Variants in USH2A observed in about 807,000 individuals in gnomAD.
The protein encoded by USH2A is Usher syndrome 2A (autosomal recessive, mild).
Under a neutral mutation model 538.9 loss-of-function variants are expected in USH2A, and 443 were observed. That is an observed-to-expected ratio of 0.82 (90% CI 0.76 to 0.89). The LOEUF (loss-of-function observed/expected upper bound fraction) is 0.89, where lower values mean the gene tolerates loss of function less well. USH2A is among the 40% of genes least tolerant of loss of function. USH2A has a pLI of 0.00. For synonymous variants in USH2A, 2,413 were observed against 2,273.5 expected (o/e 1.06, Z -1.75); for missense variants, 6,633 against 6,324.8 (o/e 1.05, Z -1.65).
At chr1:216,039,958 G>A (rs1019084847) in intron 32 of USH2A, among the ~76,000 whole-genome samples, 1 of 151,584 alleles carries the variant, frequency 6.6e-6, no homozygotes, top group Middle Eastern at 3.4e-3. Flanking sequence ...TTGCCTATAT[G>A]ATTTTACCAG....
intron 61 of USH2A, among the ~76,000 whole-genome samples, chr1:215,711,671 C>T (rs982603436): frequency 1.3e-5 from 2 of 152,036 alleles, no homozygotes; most frequent in African/African-American, 4.8e-5. Flanking sequence ...TCATTCTAAC[C>T]ATTCAATTTG....
At chr1:215,630,588 C>T (rs139072683) in intron 70 of USH2A, among the ~76,000 whole-genome samples, 1,557 of 147,524 alleles carry the variant, frequency 0.011, 10 homozygotes, top group Non-Finnish European at 0.016. Context: ...TGCGGTGGCT[C>T]ATGCCTGTAA....
intron 50 of USH2A, among the ~76,000 whole-genome samples, chr1:215,797,155 C>T (rs946170985): frequency 1.3e-5 from 2 of 152,130 alleles, no homozygotes; most frequent in African/African-American, 2.4e-5. Flanking sequence ...CTAGTCCAGG[C>T]AAGGCTCTTA....
chr1:216,394,553 G>T (rs1466421096), intron 3 of USH2A, among the ~76,000 whole-genome samples: 1 of 151,796 alleles, frequency 6.6e-6, no homozygotes, highest in Admixed American at 6.6e-5. Flanking sequence ...GTATTTGAAA[G>T]ACAAAAAGCA....
chr1:215,966,642 A>G (rs578163301), intron 36 of USH2A, among the ~76,000 whole-genome samples: 5 of 152,194 alleles, frequency 3.3e-5, no homozygotes, highest in African/African-American at 1.2e-4. Context: ...GAACTATAAC[A>G]CTTGCTCTTT....
intron 21 of USH2A, among the ~76,000 whole-genome samples, chr1:216,106,030 T>G (rs1367802264): frequency 2.6e-5 from 4 of 151,332 alleles, no homozygotes; most frequent in African/African-American, 9.7e-5. Flanking sequence ...GACAAATACA[T>G]TTTCTTTTCC....
intron 4 of USH2A, among the ~76,000 whole-genome samples, chr1:216,332,364 A>G (rs1234179812): frequency 6.6e-6 from 1 of 152,192 alleles, no homozygotes; most frequent in Non-Finnish European, 1.5e-5. Context: ...CAGTCAGAAG[A>G]AACAACAAAC....
chr1:216,418,990 C>A (rs1009598897), intron 2 of USH2A, among the ~76,000 whole-genome samples: 3 of 152,076 alleles, frequency 2.0e-5, no homozygotes, highest in African/African-American at 7.2e-5. Context: ...AGGTTATTGG[C>A]TCATTAGTTC....
At chr1:216,366,684 AT>A (rs1244740717) in intron 3 of USH2A, among the ~76,000 whole-genome samples, 1 of 152,128 alleles carries the variant, frequency 6.6e-6, no homozygotes, top group East Asian at 1.9e-4. Flanking sequence ...GTTACCCACA[AT>A]GGCTTTTCTC....
In USH2A at chr1:215,629,773, C is replaced by G. The variant is rs375748284; in HGVS notation, c.15298-738G>C. ...ATGTTTCTGCTTTTTCTTTTCTTTT[C>G]TTTTTTTTTTTTTTTTTTTTGAGAC... On this transcript the variant is annotated intron_variant, in intron 70 of 71. Transcript: ENST00000307340. Among the ~76,000 whole-genome samples the G allele has an allele frequency of 4.8e-5, 6 of 125,058 alleles. No individual in the cohort carries two copies. In the East Asian group the frequency reaches 1.3e-3, roughly 28 times the overall value. 82.0% of individuals were successfully genotyped at this position (125,058 alleles called of 152,430 possible).
At chr1:216,375,441 C>T (rs1189579702) in intron 3 of USH2A, among the ~76,000 whole-genome samples, 3 of 152,172 alleles carry the variant, frequency 2.0e-5, no homozygotes, top group Non-Finnish European at 4.4e-5. Flanking sequence ...TTTCCTTAAA[C>T]CTTGTGAACC....
intron 11 of USH2A, among the ~76,000 whole-genome samples, chr1:216,262,981 TG>T (rs1182531182): frequency 1.3e-5 from 2 of 152,100 alleles, no homozygotes; most frequent in African/African-American, 4.8e-5. Flanking sequence ...AGTTGATCAT[TG>T]GAGACTATTA....
At chr1:215,941,068 GCTCT>G (rs754204062) in intron 37 of USH2A, among the ~76,000 whole-genome samples, 12 of 151,880 alleles carry the variant, frequency 7.9e-5, no homozygotes, top group African/African-American at 1.2e-4. Flanking sequence ...TCCCCATCAA[GCTCT>G]CTCTATGTAC....
chr1:216,097,957 C>T (rs1171669625), intron 21 of USH2A, among the ~76,000 whole-genome samples: 11 of 149,608 alleles, frequency 7.4e-5, no homozygotes, highest in Non-Finnish European at 1.3e-4. Flanking sequence ...ATGAATGATG[C>T]CTCCCCCCTA....
Position 215,650,631 on chromosome 1 carries a change from G to C in USH2A, c.14304C>G (p.Tyr4768Ter). The C allele has an allele frequency of 6.2e-7, 1 of 1,614,188 alleles. No individual in the cohort carries two copies. Among genetic ancestry groups the C allele is most frequent in the Admixed American group, 1.7e-5 (1 of 60,026 alleles). ...CATGGGCGCTGCTGGAGAACAGCCT[G>C]TAGAGACTGACGATCCCGTTGGGCT... Reference protein sequence around the residue: ...PGKPNGIVSLYRLFSSSAHGA... With the variant: ...PGKPNGIVSL The change falls in exon 65 of 72, where the codon TAC becomes TAG. Residue 4768 changes from tyrosine (Y) to a stop codon, truncating the protein, a stop_gained. Coordinates refer to ENST00000307340, the MANE Select transcript of USH2A (RefSeq NM_206933.4). LOFTEE classifies it high-confidence loss of function.
chr1:216,279,027 C>T (rs145806937), intron 11 of USH2A, among the ~76,000 whole-genome samples: 70 of 152,188 alleles, frequency 4.6e-4, no homozygotes, highest in African/African-American at 1.6e-3. Flanking sequence ...TTCACTGATG[C>T]CTTTCCATTT....
intron 37 of USH2A, among the ~76,000 whole-genome samples, chr1:215,959,677 T>C (rs1046494082): frequency 6.6e-6 from 1 of 152,132 alleles, no homozygotes; most frequent in African/African-American, 2.4e-5. Flanking sequence ...CAGTAATCCA[T>C]ATCTCTCTTT....
At chr1:216,156,840 T>A (rs2033954306) in intron 21 of USH2A, among the ~76,000 whole-genome samples, 1 of 151,324 alleles carries the variant, frequency 6.6e-6, no homozygotes, top group Non-Finnish European at 1.5e-5. Flanking sequence ...CAACTCCATT[T>A]AAAAAATGGG....
chr1:216,249,587 T>A (rs2102549623), intron 12 of USH2A, among the ~76,000 whole-genome samples: 1 of 152,300 alleles, frequency 6.6e-6, no homozygotes, highest in East Asian at 1.9e-4. Flanking sequence ...TTATTCTTTC[T>A]TTCTAAAAAA....
Sources: gnomAD v4.1 joint callset for allele counts (sites outside exome capture counted in the v4.1 genomes callset) on GRCh38, gnomAD v4.1.1 for gene constraint, MANE v1.5 for transcripts, NCBI Gene and HGNC (gene_info 2026-07-23, HGNC 2026-07-21) for gene names.